RPS6KC1: variants seen among roughly 807,000 people sequenced by gnomAD.
The protein encoded by RPS6KC1 is ribosomal protein S6 kinase C1, also known as inactive ribosomal protein S6 kinase delta-1.
A neutral mutation model predicts 103.8 loss-of-function variants in RPS6KC1; 54 were observed. That is an observed-to-expected ratio of 0.52 (90% CI 0.42 to 0.65). The LOEUF (loss-of-function observed/expected upper bound fraction) is 0.65. Among genes scored for constraint, RPS6KC1 ranks in the 30% least tolerant of loss-of-function variants. RPS6KC1 has a pLI of 0.00. For missense variants in RPS6KC1, 1,151 were observed against 1,253.8 expected (o/e 0.92, Z 1.24); for synonymous variants, 439 against 438.7 (o/e 1.00, Z -0.01).
chr1:213,541,800 A>G, the RPS6KC1 span, among the ~76,000 whole-genome samples: 10 of 152,198 alleles, frequency 6.6e-5, no homozygotes, highest in Non-Finnish European at 5.9e-5. Flanking sequence ...CCAGTGCTCC[A>G]TGAACAGATG....
At chr1:213,649,016 G>T in the RPS6KC1 span, among the ~76,000 whole-genome samples, 1 of 151,956 alleles carries the variant, frequency 6.6e-6, no homozygotes. Context: ...ACCTACAAAC[G>T]CTCCCTTTTG....
the RPS6KC1 span, among the ~76,000 whole-genome samples, chr1:213,420,919 C>T: frequency 6.6e-6 from 1 of 152,136 alleles, no homozygotes; most frequent in African/African-American, 2.4e-5. Context: ...CAGCATCACT[C>T]CAGTCTTCAC....
chr1:213,785,080 A>C, the RPS6KC1 span, among the ~76,000 whole-genome samples: 69 of 152,332 alleles, frequency 4.5e-4, no homozygotes, highest in Non-Finnish European at 2.2e-4. Flanking sequence ...AAATAAGCCA[A>C]ACACACTTGA....
chr1:213,329,216 C>T, the RPS6KC1 span, among the ~76,000 whole-genome samples: 1 of 152,102 alleles, frequency 6.6e-6, no homozygotes, highest in African/African-American at 2.4e-5. Context: ...TCCTTTCTTC[C>T]AGGAAACTCA....
chr1:213,498,373 G>A, the RPS6KC1 span, among the ~76,000 whole-genome samples: 1 of 152,148 alleles, frequency 6.6e-6, no homozygotes, highest in Admixed American at 6.5e-5. Context: ...AATCACAATA[G>A]TTCAGATAAA....
At chr1:213,240,589 T>C in intron 10 of RPS6KC1, 113 bp from the exon 11 acceptor site, 1 of 867,664 alleles carries the variant, frequency 1.2e-6, no homozygotes, top group Admixed American at 2.4e-5. Context: ...TAATGGATAT[T>C]ATTGACTTGT....
chr1:213,701,361 A>T, the RPS6KC1 span, among the ~76,000 whole-genome samples: 1 of 152,134 alleles, frequency 6.6e-6, no homozygotes, highest in Admixed American at 6.5e-5. Context: ...ACATTGATTG[A>T]TTTGCATATG....
At chr1:213,721,891 G>C in the RPS6KC1 span, among the ~76,000 whole-genome samples, 3 of 152,168 alleles carry the variant, frequency 2.0e-5, no homozygotes, top group African/African-American at 7.2e-5. Context: ...CACAACTGGT[G>C]TTGAAAGGCA....
At chr1:213,160,081 A>T (rs1364449153) in intron 6 of RPS6KC1, among the ~76,000 whole-genome samples, 2 of 152,214 alleles carry the variant, frequency 1.3e-5, no homozygotes, top group South Asian at 2.1e-4. Flanking sequence ...AAACTTTGTC[A>T]TGTGTAAATT....
chr1:213,715,200 A>G, the RPS6KC1 span, among the ~76,000 whole-genome samples: 1 of 152,228 alleles, frequency 6.6e-6, no homozygotes, highest in African/African-American at 2.4e-5. Flanking sequence ...GGTGGCTCAC[A>G]AAAGTGGCTA....
At chr1:213,493,964 G>T in the RPS6KC1 span, among the ~76,000 whole-genome samples, 1 of 151,340 alleles carries the variant, frequency 6.6e-6, no homozygotes, top group Non-Finnish European at 1.5e-5. Flanking sequence ...AGTCACCTTG[G>T]AACTTGTTAG....
chr1:213,733,054 T>C, the RPS6KC1 span, among the ~76,000 whole-genome samples: 1 of 152,232 alleles, frequency 6.6e-6, no homozygotes, highest in Admixed American at 6.5e-5. Context: ...ATTGCTGGAC[T>C]ATTAGATTGA....
intron 9 of RPS6KC1, among the ~76,000 whole-genome samples, chr1:213,231,774 A>G (rs913553081): frequency 6.6e-6 from 1 of 152,230 alleles, no homozygotes; most frequent in African/African-American, 2.4e-5. Flanking sequence ...TACAATGTCT[A>G]CTGCTTTAAA....
At chr1:213,842,715 T>C in the RPS6KC1 span, among the ~76,000 whole-genome samples, 1 of 152,212 alleles carries the variant, frequency 6.6e-6, no homozygotes, top group African/African-American at 2.4e-5. Context: ...AAATAATGTA[T>C]GTGTTTATCA....
chr1:213,693,953 C>T, the RPS6KC1 span, among the ~76,000 whole-genome samples: 1 of 152,232 alleles, frequency 6.6e-6, no homozygotes, highest in Admixed American at 6.5e-5. Context: ...GGTTCCATCC[C>T]TCACCCTGGC....
chr1:213,750,438 C>A, the RPS6KC1 span, among the ~76,000 whole-genome samples: 1 of 152,152 alleles, frequency 6.6e-6, no homozygotes. Context: ...GGCAAGGAGG[C>A]TACAGTTTAA....
chr1:213,608,555 CAT>C, the RPS6KC1 span, among the ~76,000 whole-genome samples: 15 of 152,044 alleles, frequency 9.9e-5, no homozygotes, highest in Admixed American at 6.5e-4. Flanking sequence ...CTCGTGGAAA[CAT>C]AAACCTGGAC....
intron 6 of RPS6KC1, among the ~76,000 whole-genome samples, chr1:213,151,556 G>C (rs1368108466): frequency 2.4e-5 from 2 of 83,714 alleles, no homozygotes; most frequent in East Asian, 3.5e-4. Flanking sequence ...GCTGGGCAGA[G>C]GCGCCCCTCA....
At chr1:213,541,115 G>A in the RPS6KC1 span, among the ~76,000 whole-genome samples, 1 of 35,692 alleles carries the variant, frequency 2.8e-5, no homozygotes, top group Admixed American at 2.2e-4. Flanking sequence ...TCAAGCTCCT[G>A]TTACTGTTGC....
Sources: allele counts gnomAD v4.1 joint callset (sites outside exome capture counted in the v4.1 genomes callset), GRCh38; gene constraint gnomAD v4.1.1; transcripts MANE v1.5; gene names NCBI Gene and HGNC (gene_info 2026-07-23, HGNC 2026-07-21).